Variants in RBFOX1 observed in about 807,000 individuals in gnomAD.
RBFOX1 encodes the protein RNA binding fox-1 homolog 1.
RBFOX1 carries 8 observed loss-of-function variants against 57.7 expected under a neutral mutation model. That is an observed-to-expected ratio of 0.14 (90% confidence interval 0.08 to 0.25). RBFOX1 has a LOEUF of 0.25. Ranked by LOEUF, RBFOX1 falls within the 10% of genes least tolerant of loss-of-function variation. RBFOX1 has a pLI of 1.00. For synonymous variants in RBFOX1, 326 were observed against 222.4 expected, an observed-to-expected ratio of 1.47 and a Z score of -4.15; for missense variants, 611 against 548.5, an observed-to-expected ratio of 1.11 and a Z score of -1.14.
chr16:6,067,775 G>C (rs889853717), intron 1 of RBFOX1, among the ~76,000 whole-genome samples: 1 of 152,166 alleles, frequency 6.6e-6, no homozygotes, highest in East Asian at 1.9e-4. Context: ...TCATTACCTA[G>C]AGCAAAATGA....
chr16:5,332,451 A>C (rs142427949), intron 1 of RBFOX1, among the ~76,000 whole-genome samples: 2,632 of 151,940 alleles, frequency 0.017, 80 homozygotes, highest in African/African-American at 0.06. Context: ...TTTGGTAGAG[A>C]TGGGGTTTCA....
intron 2 of RBFOX1, among the ~76,000 whole-genome samples, chr16:6,617,186 C>A (rs1293257213): frequency 6.6e-6 from 1 of 151,836 alleles, no homozygotes; most frequent in African/African-American, 2.4e-5. Context: ...CCACCTTGAT[C>A]TCATCTGTAT....
At chr16:6,811,052 C>A (rs34906775) in intron 3 of RBFOX1, among the ~76,000 whole-genome samples, 17,676 of 152,180 alleles carry the variant, frequency 0.12, 1,242 homozygotes, top group Non-Finnish European at 0.15. Flanking sequence ...TGATAAGATA[C>A]CCCGAAAAAC....
intron 14 of RBFOX1, chr16:7,693,257 G>A (rs957183339): frequency 6.8e-7 from 1 of 1,476,442 alleles, no homozygotes; most frequent in East Asian, 2.3e-5. Context: ...GAAGCAATTG[G>A]CAGAGAGCAC....
chr16:6,785,984 A>C (rs778607285), intron 3 of RBFOX1, among the ~76,000 whole-genome samples: 7 of 152,178 alleles, frequency 4.6e-5, no homozygotes, highest in Non-Finnish European at 7.3e-5. Context: ...CCATCCTTCC[A>C]AATAGCTGCT....
intron 2 of RBFOX1, among the ~76,000 whole-genome samples, chr16:6,399,034 A>G (rs1265235666): frequency 1.3e-5 from 2 of 152,192 alleles, no homozygotes; most frequent in East Asian, 3.9e-4. Context: ...CCAAACCTCA[A>G]TGCTTGTCTT....
At chr16:5,602,850 CTATT>C (rs2047411321), downstream of RBFOX1, among the ~76,000 whole-genome samples, 1 of 152,122 alleles carries the variant, frequency 6.6e-6, no homozygotes, top group Non-Finnish European at 1.5e-5. Flanking sequence ...ATAGTAATAA[CTATT>C]TATGAAATTA....
intron 2 of RBFOX1, among the ~76,000 whole-genome samples, chr16:6,410,027 A>G (rs2093406464): frequency 6.6e-6 from 1 of 152,124 alleles, no homozygotes; most frequent in Non-Finnish European, 1.5e-5. Flanking sequence ...TACGAGGCAA[A>G]GGTGAGACTA....
rs943343173 is a variant in RBFOX1, at chr16:5,954,395, G to A, written c.351+87060G>A. ...CCGGGTCTCTTCTTTCGCCACCACC[G>A]CTGGACACTGCTGAGAACGAAGCAT... On this transcript the variant is annotated intron_variant, in intron 4 of 19. Transcript: ENST00000641259. Among the ~76,000 whole-genome samples, 14 of 152,046 alleles carry A rather than the reference G, an allele frequency of 9.2e-5. No homozygotes were observed. The South Asian group carries it at 1.0e-3, about 11-fold the overall frequency.
At chr16:5,494,659 C>T (rs574216475) in intron 2 of RBFOX1, among the ~76,000 whole-genome samples, 73 of 152,280 alleles carry the variant, frequency 4.8e-4, no homozygotes, top group Middle Eastern at 3.4e-3. Flanking sequence ...ATATGCTTGG[C>T]AGTTTGTGGG....
At chr16:7,140,208 C>G (rs1283301822) in intron 4 of RBFOX1, among the ~76,000 whole-genome samples, 2 of 144,280 alleles carry the variant, frequency 1.4e-5, no homozygotes, top group Admixed American at 7.0e-5. Flanking sequence ...CCTTCTCCCT[C>G]CCAATTTGTC....
chr16:7,335,584 G>GAAAAAA (rs959362612), intron 4 of RBFOX1, among the ~76,000 whole-genome samples: 267 of 74,188 alleles, frequency 3.6e-3, no homozygotes, highest in Middle Eastern at 7.7e-3. Flanking sequence ...CTCAGATAAA[G>GAAAAAA]AAAAAAAAAA....
intron 1 of RBFOX1, among the ~76,000 whole-genome samples, chr16:5,272,057 C>T (rs2063024547): frequency 6.6e-6 from 1 of 152,178 alleles, no homozygotes; most frequent in Non-Finnish European, 1.5e-5. Context: ...CTGCAGTGAA[C>T]ATAGGAATGT....
At chr16:7,496,247 A>T (rs1280414254) in intron 4 of RBFOX1, among the ~76,000 whole-genome samples, 2 of 152,162 alleles carry the variant, frequency 1.3e-5, no homozygotes, top group Non-Finnish European at 2.9e-5. Context: ...AGTTCAAGTG[A>T]TTCTCTTGCC....
chr16:5,936,148 G>T (rs2059163737), intron 4 of RBFOX1, among the ~76,000 whole-genome samples: 1 of 152,070 alleles, frequency 6.6e-6, no homozygotes. Flanking sequence ...TTTTGAGACA[G>T]AGTTTCACTC....
chr16:6,473,030 C>G (rs2095214354), intron 2 of RBFOX1, among the ~76,000 whole-genome samples: 1 of 152,098 alleles, frequency 6.6e-6, no homozygotes, highest in Non-Finnish European at 1.5e-5. Context: ...AAGATGTATG[C>G]TGGTATAACA....
chr16:7,157,967 T>C (rs2077486425), intron 4 of RBFOX1, among the ~76,000 whole-genome samples: 1 of 152,198 alleles, frequency 6.6e-6, no homozygotes, highest in Admixed American at 6.5e-5. Context: ...GATTTTAGAT[T>C]TGTAGATTGA....
chr16:6,211,676 C>A (rs2097299021), intron 1 of RBFOX1, among the ~76,000 whole-genome samples: 1 of 151,992 alleles, frequency 6.6e-6, no homozygotes, highest in Non-Finnish European at 1.5e-5. Flanking sequence ...CTAGGTATGG[C>A]CTTTCCTATC....
intron 3 of RBFOX1, among the ~76,000 whole-genome samples, chr16:6,907,570 G>A (rs2070358258): frequency 6.6e-6 from 1 of 152,062 alleles, no homozygotes; most frequent in Non-Finnish European, 1.5e-5. Flanking sequence ...TTGTTTGTAT[G>A]TTTGTTTGTT....
Sources: allele counts gnomAD v4.1 joint callset (sites outside exome capture counted in the v4.1 genomes callset), GRCh38; gene constraint gnomAD v4.1.1; transcripts MANE v1.5; gene names NCBI Gene and HGNC (gene_info 2026-07-23, HGNC 2026-07-21).